CCSER1: variants seen among roughly 807,000 people sequenced by gnomAD.
CCSER1 encodes the protein coiled-coil serine rich protein 1.
In CCSER1, 41 loss-of-function variants were observed where a neutral mutation model predicts 82.0. That is an observed-to-expected ratio of 0.50 (90% CI 0.39 to 0.65). The LOEUF is 0.65. Ranked by LOEUF, CCSER1 falls within the 30% of genes least tolerant of loss-of-function variation. The pLI, the probability that CCSER1 is intolerant of heterozygous loss-of-function variation, is 0.00. For missense variants in CCSER1, 1,119 were observed against 1,064.2 expected (o/e 1.05, Z -0.72); for synonymous variants, 414 against 383.9 (o/e 1.08, Z -0.92).
chr4:91,577,421 C>T (rs113758341), intron 10 of CCSER1, among the ~76,000 whole-genome samples: 9 of 151,610 alleles, frequency 5.9e-5, no homozygotes, highest in African/African-American at 9.7e-5. Flanking sequence ...GAACTCCTTG[C>T]GGATTCAATA....
chr4:90,180,728 C>T (rs1733586507), intron 1 of CCSER1, among the ~76,000 whole-genome samples: 1 of 152,142 alleles, frequency 6.6e-6, no homozygotes, highest in Non-Finnish European at 1.5e-5. Flanking sequence ...CTCTCACCAT[C>T]TTATGAATAA....
intron 10 of CCSER1, among the ~76,000 whole-genome samples, chr4:91,233,688 A>G (rs2149119767): frequency 6.6e-6 from 1 of 152,080 alleles, no homozygotes. Flanking sequence ...AATCTATCCT[A>G]CAAACTAAAC....
intron 6 of CCSER1, among the ~76,000 whole-genome samples, chr4:90,710,123 T>G (rs1480238287): frequency 2.0e-5 from 3 of 152,120 alleles, no homozygotes; most frequent in Non-Finnish European, 1.5e-5. Flanking sequence ...TGCCTGCTTT[T>G]TAATGGGATT....
chr4:90,469,362 T>G (rs574553672), intron 5 of CCSER1, among the ~76,000 whole-genome samples: 1 of 152,262 alleles, frequency 6.6e-6, no homozygotes, highest in African/African-American at 2.4e-5. Flanking sequence ...TAGAAAATAA[T>G]GATTTTAATT....
chr4:90,792,890 A>G (rs1007363195), intron 7 of CCSER1, among the ~76,000 whole-genome samples: 2 of 152,146 alleles, frequency 1.3e-5, no homozygotes, highest in Non-Finnish European at 2.9e-5. Context: ...GATGGAGTAA[A>G]GGGGAGTGCT....
chr4:90,582,598 C>T (rs930163814), intron 5 of CCSER1, among the ~76,000 whole-genome samples: 1 of 152,152 alleles, frequency 6.6e-6, no homozygotes, highest in African/African-American at 2.4e-5. Flanking sequence ...TACAGTCAAA[C>T]ACAGGTTCTT....
At chr4:90,691,556 A>ATG (rs70963079) in intron 6 of CCSER1, among the ~76,000 whole-genome samples, 11 of 151,556 alleles carry the variant, frequency 7.3e-5, no homozygotes, top group African/African-American at 1.5e-4. Flanking sequence ...TACATATCAC[A>ATG]TGTGTGTATA....
intron 1 of CCSER1, among the ~76,000 whole-genome samples, chr4:90,138,375 G>T (rs956563894): frequency 2.0e-5 from 3 of 152,092 alleles, no homozygotes; most frequent in Non-Finnish European, 2.9e-5. Flanking sequence ...CATGAATTTT[G>T]TCGGCATTAT....
intron 7 of CCSER1, among the ~76,000 whole-genome samples, chr4:90,774,376 TG>T (rs970047305): frequency 1.3e-5 from 2 of 152,120 alleles, no homozygotes; most frequent in African/African-American, 4.8e-5. Context: ...TATTATTCTT[TG>T]GGGATAGTGA....
At chr4:91,457,210 C>A (rs776862970) in intron 10 of CCSER1, among the ~76,000 whole-genome samples, 2 of 152,118 alleles carry the variant, frequency 1.3e-5, no homozygotes, top group Non-Finnish European at 2.9e-5. Flanking sequence ...CTGTAAAGAA[C>A]ATGAGTAAAT....
At chr4:91,564,871 C>A (rs1473834635) in intron 10 of CCSER1, among the ~76,000 whole-genome samples, 1 of 151,798 alleles carries the variant, frequency 6.6e-6, no homozygotes, top group Admixed American at 6.6e-5. Flanking sequence ...TGCAGAAGAT[C>A]CCACTTGTCA....
chr4:90,809,934 T>A lies in CCSER1; in HGVS notation c.2011-5828T>A, dbSNP rs1001971274. On this transcript the variant is annotated intron_variant, in intron 7 of 10. Transcript: ENST00000509176. ...ACTATACATTCTTTGTAGTTCAGTA[T>A]GGAAGAAGTAGAAATTCTACCATGA... Among the ~76,000 whole-genome samples the A allele has an allele frequency of 7.9e-5, 12 of 152,204 alleles. No individual in the cohort carries two copies. In the South Asian group the frequency reaches 2.3e-3, roughly 29 times the overall value.
intron 10 of CCSER1, among the ~76,000 whole-genome samples, chr4:91,360,035 G>A (rs1351630469): frequency 6.6e-6 from 1 of 151,858 alleles, no homozygotes; most frequent in African/African-American, 2.4e-5. Context: ...TTCAAACTCA[G>A]TTGCGTCTCA....
chr4:90,296,908 G>A (rs1229488611), intron 1 of CCSER1, among the ~76,000 whole-genome samples: 1 of 152,158 alleles, frequency 6.6e-6, no homozygotes, highest in African/African-American at 2.4e-5. Context: ...TTGTAGTATA[G>A]TTTGAAGTCA....
At chr4:91,529,469 CAT>C (rs1189662812) in intron 10 of CCSER1, among the ~76,000 whole-genome samples, 2 of 152,078 alleles carry the variant, frequency 1.3e-5, no homozygotes, top group Non-Finnish European at 2.9e-5. Context: ...TTTGCTTTCA[CAT>C]GTTTAAATGA....
intron 10 of CCSER1, among the ~76,000 whole-genome samples, chr4:91,465,653 A>C (rs1341125534): frequency 6.6e-6 from 1 of 152,192 alleles, no homozygotes; most frequent in Non-Finnish European, 1.5e-5. Context: ...AGATGCAATA[A>C]AAAATGATAA....
intron 5 of CCSER1, among the ~76,000 whole-genome samples, chr4:90,546,133 G>A (rs1776721832): frequency 6.6e-6 from 1 of 152,032 alleles, no homozygotes; most frequent in Non-Finnish European, 1.5e-5. Context: ...ACAGCTTAAG[G>A]TCTAGACCTA....
At chr4:90,559,999 C>T in intron 5 of CCSER1, among the ~76,000 whole-genome samples, 1 of 151,586 alleles carries the variant, frequency 6.6e-6, no homozygotes, top group African/African-American at 2.4e-5. Flanking sequence ...AACAAAAGGA[C>T]TGACAGCTGA....
At chr4:91,592,199 A>T (rs1666630131) in intron 10 of CCSER1, among the ~76,000 whole-genome samples, 1 of 152,176 alleles carries the variant, frequency 6.6e-6, no homozygotes, top group African/African-American at 2.4e-5. Context: ...TGGAAGGGGA[A>T]GCAAATACGT....
Sources: gnomAD v4.1 joint callset for allele counts (sites outside exome capture counted in the v4.1 genomes callset) on GRCh38, gnomAD v4.1.1 for gene constraint, MANE v1.5 for transcripts, NCBI Gene and HGNC (gene_info 2026-07-23, HGNC 2026-07-21) for gene names.